SH3RF3: variants seen among roughly 807,000 people sequenced by gnomAD.
The protein encoded by SH3RF3 is E3 ubiquitin-protein ligase SH3RF3.
A neutral mutation model predicts 66.3 loss-of-function variants in SH3RF3; 29 were observed. That is an observed-to-expected ratio of 0.44 (90% CI 0.33 to 0.60). The LOEUF is 0.60. Among genes scored for constraint, SH3RF3 ranks in the 20% least tolerant of loss-of-function variants. The probability of loss-of-function intolerance (pLI) is 0.04; values close to 1 mark genes in which losing one functional copy is unlikely to be tolerated. For missense variants in SH3RF3, 1,194 were observed against 1,190.9 expected, an observed-to-expected ratio of 1.00 and a Z score of -0.04; for synonymous variants, 583 against 532.0, an observed-to-expected ratio of 1.10 and a Z score of -1.32.
At chr2:109,279,333 G>A (rs559833952) in intron 1 of SH3RF3, among the ~76,000 whole-genome samples, 57 of 152,318 alleles carry the variant, frequency 3.7e-4, no homozygotes, top group African/African-American at 1.3e-3. Flanking sequence ...GGCTAGTGAA[G>A]GTTCAAGCAC....
At chr2:109,341,858 C>T (rs140755467) in intron 1 of SH3RF3, among the ~76,000 whole-genome samples, 1 of 152,256 alleles carries the variant, frequency 6.6e-6, no homozygotes, top group Non-Finnish European at 1.5e-5. Context: ...TGCCTGCAGG[C>T]AAGGCTGGAA....
intron 1 of SH3RF3, among the ~76,000 whole-genome samples, chr2:109,146,462 G>A (rs959771209): frequency 1.3e-5 from 2 of 151,536 alleles, no homozygotes; most frequent in African/African-American, 4.9e-5. Context: ...GGCCTCCAGT[G>A]TGGTGGACAA....
chr2:109,285,001 C>T (rs2105351274), intron 1 of SH3RF3, among the ~76,000 whole-genome samples: 1 of 152,384 alleles, frequency 6.6e-6, no homozygotes, highest in South Asian at 2.1e-4. Flanking sequence ...ACAGCTGCCT[C>T]TGGGAGGACG....
chr2:109,427,510 A>G (rs1216830609), intron 5 of SH3RF3, among the ~76,000 whole-genome samples: 3 of 152,150 alleles, frequency 2.0e-5, no homozygotes, highest in East Asian at 1.9e-4. Flanking sequence ...GCCTTACACC[A>G]GGAGCTCCAG....
intron 1 of SH3RF3, among the ~76,000 whole-genome samples, chr2:109,216,503 C>T (rs1157813630): frequency 1.3e-5 from 2 of 152,204 alleles, no homozygotes; most frequent in African/African-American, 4.8e-5. Flanking sequence ...GCACGCCCAC[C>T]TGGCCGCAAA....
intron 1 of SH3RF3, among the ~76,000 whole-genome samples, chr2:109,306,552 G>A (rs566183486): frequency 6.6e-6 from 1 of 152,308 alleles, no homozygotes; most frequent in East Asian, 1.9e-4. Context: ...CTTTTTCTCT[G>A]ACCGTACAGT....
At chr2:109,317,315 C>T (rs1476254643) in intron 1 of SH3RF3, among the ~76,000 whole-genome samples, 1 of 152,148 alleles carries the variant, frequency 6.6e-6, no homozygotes, top group Non-Finnish European at 1.5e-5. Flanking sequence ...CAATGCCTGT[C>T]CCTGAGGGGG....
chr2:109,334,830 C>G (rs1449630540), intron 1 of SH3RF3, among the ~76,000 whole-genome samples: 1 of 152,236 alleles, frequency 6.6e-6, no homozygotes, highest in African/African-American at 2.4e-5. Flanking sequence ...GCCACTTGCT[C>G]CCCTCAGTAG....
At position 109,436,979 on chromosome 2, in the gene SH3RF3, C is replaced by T. The variant is rs1311962836; in HGVS notation, c.1661C>T (p.Pro554Leu). ...LAKGITTTMH[P>L]GSGSLSSLAT... The stretch of plus-strand genomic sequence containing the variant: ...AAAGGGATAACCACAACCATGCACC[C>T]AGGCAGTGGGAGTCTGAGCAGCCTG... The change falls in exon 7 of 10, where the codon CCA becomes CTA. Residue 554 changes from proline to leucine, a missense_variant. Physicochemically the swap from Pro to Leu is moderately conservative, Grantham distance 98. Coordinates refer to ENST00000309415, the MANE Select transcript of SH3RF3 (RefSeq NM_001099289.3). 2.5e-6 allele frequency: 4 copies of T among 1,613,870 alleles called. No individual in the cohort carries two copies. Among genetic ancestry groups the T allele is most frequent in the Admixed American group, 3.3e-5 (2 of 60,026 alleles).
chr2:109,448,092 C>G (rs1191868136), intron 7 of SH3RF3, among the ~76,000 whole-genome samples: 1 of 152,126 alleles, frequency 6.6e-6, no homozygotes, highest in African/African-American at 2.4e-5. Flanking sequence ...GAGTGACATA[C>G]CCAGTGTGGA....
intron 3 of SH3RF3, among the ~76,000 whole-genome samples, chr2:109,395,202 C>T (rs1304633796): frequency 6.6e-6 from 1 of 152,238 alleles, no homozygotes; most frequent in East Asian, 1.9e-4. Flanking sequence ...TATGGCAAGC[C>T]TGGTCCCCAG....
intron 1 of SH3RF3, among the ~76,000 whole-genome samples, chr2:109,183,911 C>A (rs1678126438): frequency 1.3e-5 from 2 of 152,202 alleles, no homozygotes; most frequent in African/African-American, 4.8e-5. Flanking sequence ...ATCCCAGAGA[C>A]CTGTGCCCCC....
At chr2:109,272,844 G>A (rs767688285) in intron 1 of SH3RF3, among the ~76,000 whole-genome samples, 4 of 152,164 alleles carry the variant, frequency 2.6e-5, no homozygotes, top group African/African-American at 7.2e-5. Flanking sequence ...GTGGGTTCCC[G>A]GACTGGTGTT....
At chr2:109,363,863 T>TC (rs757457133) in intron 2 of SH3RF3, among the ~76,000 whole-genome samples, 1 of 152,212 alleles carries the variant, frequency 6.6e-6, no homozygotes, top group Admixed American at 6.5e-5. Context: ...ATGTGTTTTT[T>TC]CCCCTCTGAC....
chr2:109,184,648 A>G (rs1678147233), intron 1 of SH3RF3, among the ~76,000 whole-genome samples: 1 of 152,106 alleles, frequency 6.6e-6, no homozygotes. Context: ...AGCTGGTCCC[A>G]CCAGAGGTCC....
At chr2:109,207,811 A>G (rs552911793) in intron 1 of SH3RF3, among the ~76,000 whole-genome samples, 73 of 152,264 alleles carry the variant, frequency 4.8e-4, no homozygotes, top group African/African-American at 1.7e-3. Flanking sequence ...AAATGGCACA[A>G]TTTTCTTTTT....
chr2:109,231,965 T>C (rs1323050887), intron 1 of SH3RF3, among the ~76,000 whole-genome samples: 1 of 152,230 alleles, frequency 6.6e-6, no homozygotes, highest in Non-Finnish European at 1.5e-5. Flanking sequence ...CCACAATACA[T>C]TGTAGAATAT....
At chr2:109,481,060 C>T (rs1289088726) in intron 8 of SH3RF3, among the ~76,000 whole-genome samples, 1 of 152,194 alleles carries the variant, frequency 6.6e-6, no homozygotes, top group Non-Finnish European at 1.5e-5. Flanking sequence ...GGACAGGCAG[C>T]CTGAGGGCAT....
At chr2:109,486,642 C>G (rs978840367) in intron 8 of SH3RF3, among the ~76,000 whole-genome samples, 1 of 152,136 alleles carries the variant, frequency 6.6e-6, no homozygotes, top group African/African-American at 2.4e-5. Flanking sequence ...AAACAAAACG[C>G]AGGTGGTGGG....
Sources: gnomAD v4.1 joint callset for allele counts (sites outside exome capture counted in the v4.1 genomes callset) on GRCh38, gnomAD v4.1.1 for gene constraint, MANE v1.5 for transcripts, NCBI Gene and HGNC (gene_info 2026-07-23, HGNC 2026-07-21) for gene names.